The following KCNIP4 variants were observed in gnomAD, a reference collection of about 807,000 sequenced individuals.
KCNIP4 encodes the protein potassium voltage-gated channel interacting protein 4.
In KCNIP4, 12 loss-of-function variants were observed where a neutral mutation model predicts 34.0. That is an observed-to-expected ratio of 0.35 (90% confidence interval 0.23 to 0.57). KCNIP4 has a LOEUF of 0.57. Ranked by LOEUF, KCNIP4 falls within the 20% of genes least tolerant of loss-of-function variation. The pLI, the probability that KCNIP4 is intolerant of heterozygous loss-of-function variation, is 0.83. For missense variants in KCNIP4, 238 were observed against 311.7 expected (o/e 0.76, Z 1.78); for synonymous variants, 124 against 102.2 (o/e 1.21, Z -1.29).
At chr4:20,736,465 T>C (rs1749652945) in intron 5 of KCNIP4, among the ~76,000 whole-genome samples, 1 of 152,202 alleles carries the variant, frequency 6.6e-6, no homozygotes, top group South Asian at 2.1e-4. Context: ...TGTATGATAA[T>C]TTTATACCCT....
rs1407412678 is a variant in KCNIP4 at position 21,075,525 on chromosome 4, ATG to A, written c.62-192818_62-192817del. 2.6e-5 allele frequency among the ~76,000 whole-genome samples: 4 copies of A among 152,018 alleles called. No individual in the cohort carries two copies. The South Asian group carries it at 8.3e-4, about 32-fold the overall frequency. On this transcript the variant is annotated intron_variant, in intron 1 of 8. Transcript: ENST00000382152. Reference sequence around the variant, plus strand: ...TCCTCCATCCCTGTATTTTGAGCCTATGTGTGTCTGTGCATATGAGATGGGTC... The same window carrying A: ...TCCTCCATCCCTGTATTTTGAGCCTATGTGTCTGTGCATATGAGATGGGTC...
chr4:21,028,408 G>A (rs1740731439), intron 1 of KCNIP4, among the ~76,000 whole-genome samples: 1 of 152,090 alleles, frequency 6.6e-6, no homozygotes, highest in Non-Finnish European at 1.5e-5. Context: ...CTGCACACAT[G>A]ACCTCACATA....
rs1016931522 is a variant in KCNIP4, at chr4:21,289,225, G to A, written c.62-406516C>T. Among the ~76,000 whole-genome samples the A allele has an allele frequency of 4.6e-5, 7 of 152,296 alleles. No individual in the cohort carries two copies. In the East Asian group the frequency reaches 1.4e-3, roughly 29 times the overall value. On this transcript the variant is annotated intron_variant, in intron 1 of 8. Transcript: ENST00000382152. ...TGATATTTTGATACAGGCATATAAT[G>A]TGTAATGATTCAATCAGGGTAATTG...
chr4:21,700,640 G>A (rs991047879), intron 1 of KCNIP4, among the ~76,000 whole-genome samples: 4 of 152,032 alleles, frequency 2.6e-5, no homozygotes, highest in Admixed American at 2.6e-4. Flanking sequence ...TTTATTGTCT[G>A]TGCTTTTGGG....
At chr4:21,080,272 C>T (rs1388477488) in intron 1 of KCNIP4, among the ~76,000 whole-genome samples, 1 of 151,838 alleles carries the variant, frequency 6.6e-6, no homozygotes, top group East Asian at 1.9e-4. Context: ...TATCATGACA[C>T]CATCCTTATA....
intron 1 of KCNIP4, among the ~76,000 whole-genome samples, chr4:21,745,378 T>C (rs920254129): frequency 1.3e-5 from 2 of 152,200 alleles, no homozygotes; most frequent in African/African-American, 2.4e-5. Context: ...TTAATAACTG[T>C]GATATTTATG....
chr4:20,850,763 T>A (rs950044720), intron 2 of KCNIP4, 96 bp from the exon 3 acceptor site: 3 of 1,388,200 alleles, frequency 2.2e-6, no homozygotes, highest in Non-Finnish European at 2.9e-6. Flanking sequence ...TGTCTGCTAA[T>A]GTCTGTGACT....
In KCNIP4 at chr4:21,053,038, C is replaced by CAT. The variant is rs34684853; in HGVS notation, c.62-170331_62-170330dup. Among the ~76,000 whole-genome samples, 139 of 143,542 alleles carry CAT rather than the reference C, an allele frequency of 9.7e-4. 1 individual carries two copies. Among genetic ancestry groups the CAT allele is most frequent in the South Asian group, 2.8e-3 (13 of 4,718 alleles). 94.2% of individuals were successfully genotyped at this position (143,542 alleles called of 152,430 possible). A position where few individuals can be genotyped will look rare whatever the true frequency, so the allele number is the denominator to read the frequency against. On this transcript the variant is annotated intron_variant, in intron 1 of 8. Transcript: ENST00000382152. ...ACACACACACACATACACACACACACATATATATATATATAAATAAAAATC... is the reference window on the plus strand; with the variant it reads ...ACACACACACACATACACACACACACATATATATATATATATAAATAAAAATC...
intron 3 of KCNIP4, among the ~76,000 whole-genome samples, chr4:20,844,319 T>C (rs1720108530): frequency 6.6e-6 from 1 of 152,146 alleles, no homozygotes; most frequent in Non-Finnish European, 1.5e-5. Context: ...GCAAAGGAAA[T>C]AGCATTTTAA....
chr4:20,939,149 C>T (rs1473130576), intron 1 of KCNIP4, among the ~76,000 whole-genome samples: 1 of 152,030 alleles, frequency 6.6e-6, no homozygotes, highest in African/African-American at 2.4e-5. Context: ...CTCACCATTC[C>T]TTCCTACCCT....
chr4:21,532,087 T>A (rs947650605), intron 1 of KCNIP4, among the ~76,000 whole-genome samples: 7 of 152,168 alleles, frequency 4.6e-5, no homozygotes, highest in African/African-American at 1.4e-4. Flanking sequence ...TGTGTCAGTA[T>A]ACTTTGAGTC....
chr4:21,341,111 T>A (rs1716720903), intron 1 of KCNIP4, among the ~76,000 whole-genome samples: 1 of 151,856 alleles, frequency 6.6e-6, no homozygotes, highest in Admixed American at 6.6e-5. Context: ...GATTTTGGAG[T>A]AAGTGACAAG....
intron 1 of KCNIP4, among the ~76,000 whole-genome samples, chr4:21,892,323 A>AG (rs34198663): frequency 4.5e-5 from 3 of 66,460 alleles, no homozygotes; most frequent in Non-Finnish European, 9.6e-5. Context: ...ATCCAAATAC[A>AG]AAAAAAAAAG....
intron 1 of KCNIP4, among the ~76,000 whole-genome samples, chr4:21,130,666 G>A (rs1750997376): frequency 6.6e-6 from 1 of 152,146 alleles, no homozygotes; most frequent in Non-Finnish European, 1.5e-5. Flanking sequence ...CTTAAAAAGA[G>A]GTTAATAACT....
chr4:21,775,386 G>C (rs75594641), intron 1 of KCNIP4, among the ~76,000 whole-genome samples: 4 of 152,168 alleles, frequency 2.6e-5, no homozygotes, highest in Admixed American at 2.0e-4. Context: ...GATGCCAGCA[G>C]GATTGTTCCT....
At chr4:21,445,549 G>A (rs1727906308) in intron 1 of KCNIP4, among the ~76,000 whole-genome samples, 2 of 152,178 alleles carry the variant, frequency 1.3e-5, no homozygotes, top group Admixed American at 1.3e-4. Flanking sequence ...AACAAATGGT[G>A]CTGGGAAAAC....
chr4:21,707,129 T>C (rs75826372), intron 1 of KCNIP4, among the ~76,000 whole-genome samples: 2,592 of 152,260 alleles, frequency 0.017, 70 homozygotes, highest in African/African-American at 0.051. Context: ...AGGTCTAAAT[T>C]GACCACAAAC....
At chr4:20,911,611 A>G (rs1249395806) in intron 1 of KCNIP4, among the ~76,000 whole-genome samples, 2 of 152,186 alleles carry the variant, frequency 1.3e-5, no homozygotes, top group Admixed American at 6.5e-5. Context: ...GCATTGTTCT[A>G]CCGTCTTCCT....
chr4:20,729,238 G>GATAGATAT lies in KCNIP4; in HGVS notation c.*836_*843dup, dbSNP rs1309484823. ...TATTAAGCATTACTATATACTGGAG[G>GATAGATAT]ATAGATATCCTGACCCTTTGCATAT... On this transcript the variant is annotated 3_prime_UTR_variant, in exon 9 of 9. Transcript: ENST00000382152. 1 of 151,970 alleles carries GATAGATAT rather than the reference G, an allele frequency of 6.6e-6. No individual in the cohort carries two copies. Among genetic ancestry groups the GATAGATAT allele is most frequent in the Non-Finnish European group, 1.5e-5 (1 of 67,994 alleles). 9.4% of individuals were successfully genotyped at this position (151,970 alleles called of 1,614,324 possible). A position where few individuals can be genotyped will look rare whatever the true frequency, so the allele number is the denominator to read the frequency against.
Sources: allele counts gnomAD v4.1 joint callset (sites outside exome capture counted in the v4.1 genomes callset), GRCh38; gene constraint gnomAD v4.1.1; transcripts MANE v1.5; gene names NCBI Gene and HGNC (gene_info 2026-07-23, HGNC 2026-07-21).